Variants in VWC2L observed in about 807,000 individuals in gnomAD.
VWC2L encodes the protein von Willebrand factor C domain-containing protein 2-like.
Under a neutral mutation model 21.6 loss-of-function variants are expected in VWC2L, and 10 were observed. The observed-to-expected ratio is 0.46, with a 90% CI of 0.29 to 0.78. The LOEUF (loss-of-function observed/expected upper bound fraction) is 0.78, where lower values mean the gene tolerates loss of function less well. VWC2L is among the 30% of genes least tolerant of loss of function. VWC2L has a pLI of 0.10. For missense variants in VWC2L, 209 were observed against 277.1 expected (o/e 0.75, Z 1.74); for synonymous variants, 96 against 94.3 (o/e 1.02, Z -0.10).
intron 2 of VWC2L, among the ~76,000 whole-genome samples, chr2:214,422,062 G>A (rs1402429531): frequency 6.6e-6 from 1 of 150,470 alleles, no homozygotes; most frequent in Admixed American, 6.6e-5. Context: ...GCTAATTTTT[G>A]TATTTTTAGT....
At chr2:214,480,487 A>G (rs556248749) in intron 3 of VWC2L, among the ~76,000 whole-genome samples, 2 of 152,334 alleles carry the variant, frequency 1.3e-5, no homozygotes, top group East Asian at 3.9e-4. Context: ...ATCTGCGAAT[A>G]TTAGAAAAGC....
At chr2:214,543,652 A>C (rs1288902001) in intron 3 of VWC2L, among the ~76,000 whole-genome samples, 1 of 151,848 alleles carries the variant, frequency 6.6e-6, no homozygotes, top group Non-Finnish European at 1.5e-5. Context: ...AAGGAAGAGA[A>C]AGAAAAAAAA....
intron 3 of VWC2L, among the ~76,000 whole-genome samples, chr2:214,502,252 C>T (rs1220686056): frequency 1.3e-5 from 2 of 151,986 alleles, no homozygotes; most frequent in Non-Finnish European, 2.9e-5. Flanking sequence ...TTTGTTCATG[C>T]AAAGTGTAAA....
intron 3 of VWC2L, among the ~76,000 whole-genome samples, chr2:214,488,766 C>T (rs1051463972): frequency 6.6e-6 from 1 of 152,158 alleles, no homozygotes; most frequent in African/African-American, 2.4e-5. Flanking sequence ...AGGCTGTTTC[C>T]ACTCATGGCA....
intron 3 of VWC2L, among the ~76,000 whole-genome samples, chr2:214,499,602 T>C (rs978251625): frequency 6.6e-6 from 1 of 152,144 alleles, no homozygotes; most frequent in Non-Finnish European, 1.5e-5. Flanking sequence ...TGTATACATA[T>C]GTACCAAACC....
chr2:214,563,405 G>C (rs970156953), intron 3 of VWC2L, among the ~76,000 whole-genome samples: 1 of 151,838 alleles, frequency 6.6e-6, no homozygotes, highest in African/African-American at 2.4e-5. Context: ...AAATTAGCCA[G>C]GTATGGTGGC....
intron 3 of VWC2L, among the ~76,000 whole-genome samples, chr2:214,550,883 T>C (rs1689783218): frequency 6.6e-6 from 1 of 152,156 alleles, no homozygotes; most frequent in Admixed American, 6.5e-5. Context: ...TCTTAGAGGT[T>C]AACATTTAAA....
At chr2:214,441,076 A>C (rs945838068) in intron 3 of VWC2L, among the ~76,000 whole-genome samples, 2 of 152,208 alleles carry the variant, frequency 1.3e-5, no homozygotes, top group Non-Finnish European at 2.9e-5. Context: ...CAAATATTTA[A>C]TTCTATGTCC....
chr2:214,450,770 G>C (rs1702941726), intron 3 of VWC2L, among the ~76,000 whole-genome samples: 1 of 152,104 alleles, frequency 6.6e-6, no homozygotes, highest in Non-Finnish European at 1.5e-5. Flanking sequence ...ACCTGCTGAG[G>C]GGAATGGTTG....
chr2:214,455,785 G>A (rs967731861), intron 3 of VWC2L, among the ~76,000 whole-genome samples: 1 of 152,094 alleles, frequency 6.6e-6, no homozygotes, highest in Non-Finnish European at 1.5e-5. Flanking sequence ...CCACATGTAA[G>A]TGTAAACATG....
In VWC2L at chr2:214,542,149, G is replaced by A. The variant is rs771239860; in HGVS notation, c.521-33523G>A. Among the ~76,000 whole-genome samples the A allele has an allele frequency of 2.6e-5, 4 of 152,164 alleles. No individual in the cohort carries two copies. In the South Asian group the frequency reaches 8.3e-4, roughly 31 times the overall value. Reference sequence around the variant, plus strand: ...CTCTCACCACTAGATTATTAACACAGTTCCTTCGGCTTGTCCTTGTGTGCA... The same window carrying A: ...CTCTCACCACTAGATTATTAACACAATTCCTTCGGCTTGTCCTTGTGTGCA... On this transcript the variant is annotated intron_variant, in intron 3 of 3. Coordinates refer to ENST00000312504, the MANE Select transcript of VWC2L (RefSeq NM_001080500.4).
chr2:214,464,965 C>G (rs952580083), intron 3 of VWC2L, among the ~76,000 whole-genome samples: 5 of 152,150 alleles, frequency 3.3e-5, no homozygotes, highest in African/African-American at 1.2e-4. Flanking sequence ...AATGTTCACT[C>G]AAGGTCCAAG....
chr2:214,482,453 A>G (rs1688615873), intron 3 of VWC2L, among the ~76,000 whole-genome samples: 1 of 151,718 alleles, frequency 6.6e-6, no homozygotes, highest in Non-Finnish European at 1.5e-5. Flanking sequence ...TAAAATATAT[A>G]TATACACATA....
chr2:214,536,986 A>ACACACACACACACACACACG (rs1318228557), intron 3 of VWC2L: 3 of 151,540 alleles, frequency 2.0e-5, no homozygotes, highest in Non-Finnish European at 2.9e-5. Context: ...ACACACACAC[A>ACACACACACACACACACACG]CACACACACA....
intron 3 of VWC2L, among the ~76,000 whole-genome samples, chr2:214,483,326 C>A (rs1040185015): frequency 1.3e-5 from 2 of 151,840 alleles, no homozygotes; most frequent in Non-Finnish European, 2.9e-5. Flanking sequence ...ATACAATAAT[C>A]TGAGTTAATG....
At chr2:214,488,563 A>G (rs543794285) in intron 3 of VWC2L, among the ~76,000 whole-genome samples, 5 of 152,300 alleles carry the variant, frequency 3.3e-5, no homozygotes, top group African/African-American at 1.2e-4. Flanking sequence ...ACACCACTGC[A>G]CTCCAGCCTG....
intron 3 of VWC2L, among the ~76,000 whole-genome samples, chr2:214,454,282 T>C (rs1219281781): frequency 6.6e-6 from 1 of 152,122 alleles, no homozygotes; most frequent in Non-Finnish European, 1.5e-5. Context: ...TTTTATCTTA[T>C]TGTGCTTTTT....
rs1313606148 is a variant in VWC2L at position 214,577,134 on chromosome 2, T to C, written c.*1314T>C. 6.6e-6 allele frequency: 1 copy of C among 152,188 alleles called. No homozygotes were observed. Among genetic ancestry groups the C allele is most frequent in the Non-Finnish European group, 1.5e-5 (1 of 68,030 alleles). The allele number at this position is 152,188 out of a possible 1,614,324, so 9.4% of individuals were successfully genotyped here. On this transcript the variant is annotated 3_prime_UTR_variant, in exon 4 of 4. Coordinates refer to ENST00000312504, the MANE Select transcript of VWC2L (RefSeq NM_001080500.4). ...CAATTCTGAAACCACATGGCATAGT[T>C]AGTCGCTTATTCCATGCTCCTGCCC...
At chr2:214,550,897 C>T (rs530009881) in intron 3 of VWC2L, among the ~76,000 whole-genome samples, 11 of 152,236 alleles carry the variant, frequency 7.2e-5, no homozygotes, top group African/African-American at 2.6e-4. Context: ...ATTTAAACAA[C>T]TAATTTTGCT....
Sources: gnomAD v4.1 joint callset for allele counts (sites outside exome capture counted in the v4.1 genomes callset) on GRCh38, gnomAD v4.1.1 for gene constraint, MANE v1.5 for transcripts, NCBI Gene and HGNC (gene_info 2026-07-23, HGNC 2026-07-21) for gene names.